The following SH3TC2 variants were observed in gnomAD, a reference collection of about 807,000 sequenced individuals.
SH3TC2 encodes the protein SH3 domain and tetratricopeptide repeats 2.
Under a neutral mutation model 124.5 loss-of-function variants are expected in SH3TC2, and 87 were observed. The ratio of observed to expected loss-of-function variants is 0.70; its 90% CI spans 0.59 to 0.84. SH3TC2 has a LOEUF of 0.84. SH3TC2 is among the 40% of genes least tolerant of loss of function. The probability of loss-of-function intolerance (pLI) is 0.00; values close to 1 mark genes in which losing one functional copy is unlikely to be tolerated. For synonymous variants in SH3TC2, 634 were observed against 628.5 expected (o/e 1.01, Z -0.13); for missense variants, 1,536 against 1,566.4 (o/e 0.98, Z 0.33).
chr5:149,012,642 C>T lies in SH3TC2; in HGVS notation c.3146G>A (p.Gly1049Glu). 6.2e-7 allele frequency: 1 copy of T among 1,614,178 alleles called. No homozygotes were observed. The highest frequency in any genetic ancestry group is 2.2e-5 in the East Asian group (1 of 44,880). ...ETDKAAEAWL[G>E]AGRLHYLMQE... ...CATGAGGTAGTGGAGTCGCCCCGCC[C>T]CAAGCCAGGCCTCAGCAGCCTTGTC... The change falls in exon 13 of 17, where the codon GGG becomes GAG. Residue 1049 changes from glycine (G) to glutamate (E), a missense_variant. Physicochemically the swap from Gly to Glu is moderately conservative, Grantham distance 98. Transcript: ENST00000515425.
chr5:149,044,276 T>C, intron 4 of SH3TC2: 1 of 427,874 alleles, frequency 2.3e-6, no homozygotes, highest in South Asian at 2.2e-5. Context: ...TGTTTTCCAA[T>C]TGATTGGTTA....
chr5:148,985,491 T>C lies in SH3TC2; in HGVS notation c.*19220A>G, dbSNP rs748344796. Among the ~76,000 whole-genome samples, 1 of 152,216 alleles carries C rather than the reference T, an allele frequency of 6.6e-6. No homozygotes were observed. The highest frequency in any genetic ancestry group is 2.4e-5 in the African/African-American group (1 of 41,458). On this transcript the variant is annotated 3_prime_UTR_variant, in exon 17 of 17. Transcript: ENST00000515425. ...GCATTTTAAGTCTGACTTCCTCTAA[T>C]TAGCATAATGCATTTGATGTAACTC...
At position 149,004,997 on chromosome 5, in the gene SH3TC2, T is replaced by TTG. The variant is rs1554120076; in HGVS notation, c.3676-96_3676-95insCA. ...GTGCTGGCCACTCTAGTTTTTTTTG[T>TTG]TTGTTTGTTTGTTTGTTTGTTTGCC... On this transcript the variant is annotated intron_variant, in intron 16 of 16. Transcript: ENST00000515425. 10 of 1,285,452 alleles carry TTG rather than the reference T, an allele frequency of 7.8e-6. No individual in the cohort carries two copies. The African/African-American group carries it at 1.5e-4, about 19-fold the overall frequency. The allele number at this position is 1,285,452 out of a possible 1,614,324, so 79.6% of individuals were successfully genotyped here. A position where few individuals can be genotyped will look rare whatever the true frequency, so the allele number is the denominator to read the frequency against.
At chr5:149,005,489 C>G (rs1373345376) in intron 16 of SH3TC2, among the ~76,000 whole-genome samples, 1 of 152,082 alleles carries the variant, frequency 6.6e-6, no homozygotes, top group Non-Finnish European at 1.5e-5. Flanking sequence ...GCCTTTTTTG[C>G]TTAAGGAAGT....
chr5:149,043,855 T>C (rs1274955351), intron 4 of SH3TC2: 3 of 153,212 alleles, frequency 2.0e-5, no homozygotes, highest in East Asian at 1.9e-4. Flanking sequence ...TGTCCTTGTG[T>C]ATGTCGGCAT....
In SH3TC2 at chr5:149,031,575, T is replaced by C; in HGVS notation, c.1114A>G (p.Ile372Val). The C allele has an allele frequency of 1.2e-6, 2 of 1,614,162 alleles. No homozygotes were observed. Among genetic ancestry groups the C allele is most frequent in the Non-Finnish European group, 1.7e-6 (2 of 1,180,038 alleles). The change falls in exon 9 of 17, where the codon ATC becomes GTC. Residue 372 changes from isoleucine to valine, a missense_variant. Physicochemically the swap from Ile to Val is conservative, Grantham distance 29. Coordinates refer to ENST00000515425, the MANE Select transcript of SH3TC2 (RefSeq NM_024577.4). ...SFLHTLARTD[I>V]TSVYRLSGFE... ...TCACTGAGCCGGTAGACAGATGTGATGTCAGTGCGAGCAAGAGTGTGGAGG... is the reference window on the plus strand; with the variant it reads ...TCACTGAGCCGGTAGACAGATGTGACGTCAGTGCGAGCAAGAGTGTGGAGG...
intron 13 of SH3TC2, among the ~76,000 whole-genome samples, chr5:149,012,155 A>G (rs1391472632): frequency 6.6e-6 from 1 of 152,164 alleles, no homozygotes; most frequent in African/African-American, 2.4e-5. Context: ...CACATCTCTG[A>G]TATTAAAAGT....
intron 1 of SH3TC2, among the ~76,000 whole-genome samples, chr5:149,056,151 T>C (rs2127404424): frequency 6.6e-6 from 1 of 152,104 alleles, no homozygotes; most frequent in South Asian, 2.1e-4. Context: ...CATGTGAAGG[T>C]TTGGTTCTTA....
At chr5:149,017,310 T>C (rs995920741) in intron 12 of SH3TC2, among the ~76,000 whole-genome samples, 23 of 152,048 alleles carry the variant, frequency 1.5e-4, no homozygotes, top group Admixed American at 3.9e-4. Context: ...GGCCAGTCTG[T>C]GTTGTGTCAC....
intron 3 of SH3TC2, chr5:149,046,390 AT>A (rs1754464330): frequency 1.3e-5 from 2 of 152,246 alleles, no homozygotes; most frequent in African/African-American, 4.8e-5. Context: ...CCATTCCAAA[AT>A]GTGCTTTTAT....
intron 6 of SH3TC2, 42 bp downstream of exon 6, chr5:149,041,374 T>C (rs1207211685): frequency 6.2e-7 from 1 of 1,603,568 alleles, no homozygotes; most frequent in Admixed American, 1.7e-5. Context: ...CAAACCTCAG[T>C]CTGCTCTGGG....
At chr5:149,062,607 A>T (rs1208778773) in intron 1 of SH3TC2, among the ~76,000 whole-genome samples, 1 of 152,214 alleles carries the variant, frequency 6.6e-6, no homozygotes, top group Admixed American at 6.5e-5. Flanking sequence ...ATGGCCACCC[A>T]TAGGCCACAG....
intron 12 of SH3TC2, among the ~76,000 whole-genome samples, chr5:149,022,969 G>A (rs1012104634): frequency 2.6e-5 from 4 of 152,144 alleles, no homozygotes; most frequent in Non-Finnish European, 5.9e-5. Flanking sequence ...AGCAGTGATG[G>A]TTACACAACT....
chr5:149,029,886 G>A (rs1754153680), intron 9 of SH3TC2, among the ~76,000 whole-genome samples: 1 of 152,080 alleles, frequency 6.6e-6, no homozygotes, highest in Non-Finnish European at 1.5e-5. Flanking sequence ...CCTCTTCTTA[G>A]CAGAGAAGTA....
chr5:149,054,476 C>T (rs563275849), intron 1 of SH3TC2, among the ~76,000 whole-genome samples: 1 of 152,268 alleles, frequency 6.6e-6, no homozygotes, highest in Admixed American at 6.5e-5. Context: ...CCTGCTGCTC[C>T]CAGGACCACA....
At chr5:149,029,539 C>T (rs1754145511) in intron 9 of SH3TC2, among the ~76,000 whole-genome samples, 1 of 151,914 alleles carries the variant, frequency 6.6e-6, no homozygotes, top group Admixed American at 6.6e-5. Context: ...ACAGGTGAGG[C>T]ATCTGGGGGA....
chr5:149,052,193 C>G lies in SH3TC2; in HGVS notation c.100G>C (p.Ala34Pro). 1 of 1,613,742 alleles carries G rather than the reference C, an allele frequency of 6.2e-7. No individual in the cohort carries two copies. The highest frequency in any genetic ancestry group is 8.5e-7 in the Non-Finnish European group (1 of 1,179,714). The change falls in exon 2 of 17, where the codon GCC (alanine) becomes CCC (proline). Residue 34 changes from alanine to proline, a missense_variant. Ala to Pro is a conservative substitution (Grantham distance 27). This residue lies in a region of SH3TC2 where 1,102 missense variants were observed against 1,098.6 expected (regional missense o/e 1.00). Coordinates refer to ENST00000515425, the MANE Select transcript of SH3TC2 (RefSeq NM_024577.4). ...CATTTTTCCTTGTATTCAGATGAGG[C>G]TATACACTCACTCGATACAGTTGGA... ...KDPTVSSECI[A>P]SSEYKEKCFL...
chr5:149,001,443 G>A lies in SH3TC2; in HGVS notation c.*3268C>T, dbSNP rs535053385. ...TGAGGGAACAATTAGAATAAAGAGG[G>A]TAACTAGATCATGTTTGGCTATGAT... On this transcript the variant is annotated 3_prime_UTR_variant, in exon 17 of 17. Transcript: ENST00000515425. The A allele has an allele frequency of 1.3e-5, 2 of 152,046 alleles. No individual in the cohort carries two copies. The highest frequency in any genetic ancestry group is 4.1e-4 in the South Asian group (2 of 4,822). The allele number at this position is 152,046 out of a possible 1,614,324, so 9.4% of individuals were successfully genotyped here. A position where few individuals can be genotyped will look rare whatever the true frequency, so the allele number is the denominator to read the frequency against.
At chr5:149,049,793 A>C (rs1754526486) in intron 2 of SH3TC2, among the ~76,000 whole-genome samples, 3 of 152,064 alleles carry the variant, frequency 2.0e-5, no homozygotes, top group Non-Finnish European at 4.4e-5. Context: ...AAGGAAAAAA[A>C]AAAAAGCTTC....
Sources: gnomAD v4.1 joint callset for allele counts (sites outside exome capture counted in the v4.1 genomes callset) on GRCh38, gnomAD v4.1.1 for gene constraint, gnomAD v4.1.1 regional missense constraint, MANE v1.5 for transcripts, NCBI Gene and HGNC (gene_info 2026-07-23, HGNC 2026-07-21) for gene names.